Variants in IFT52 observed in about 807,000 individuals in gnomAD.
IFT52 encodes intraflagellar transport protein 52 homolog.
IFT52 carries 44 observed loss-of-function variants against 54.4 expected under a neutral mutation model. The observed-to-expected ratio is 0.81, with a 90% CI of 0.63 to 1.04. The LOEUF (loss-of-function observed/expected upper bound fraction) is 1.04. Among genes scored for constraint, IFT52 ranks in the 50% least tolerant of loss-of-function variants. The pLI is 0.00. For synonymous variants in IFT52, 181 were observed against 185.3 expected, an observed-to-expected ratio of 0.98 and a Z score of 0.19; for missense variants, 452 against 523.6, an observed-to-expected ratio of 0.86 and a Z score of 1.33.
chr20:43,618,322 T>C (rs1984014060), intron 7 of IFT52: 1 of 151,702 alleles, frequency 6.6e-6, no homozygotes, highest in South Asian at 2.1e-4. Context: ...GTGATTCTCC[T>C]GCCCCAGCTT....
At chr20:43,623,869 G>T (rs1984521739) in intron 9 of IFT52, 22 bp from the exon 10 acceptor site, 1 of 1,611,812 alleles carries the variant, frequency 6.2e-7, no homozygotes, top group African/African-American at 1.3e-5. Flanking sequence ...TGTGCTAAAA[G>T]GAACCCTCTT....
At chr20:43,597,448 A>C (rs1221245896) in intron 3 of IFT52, among the ~76,000 whole-genome samples, 1 of 152,200 alleles carries the variant, frequency 6.6e-6, no homozygotes, top group Non-Finnish European at 1.5e-5. Flanking sequence ...GAATGGATAA[A>C]GAATGATAAA....
intron 9 of IFT52, among the ~76,000 whole-genome samples, chr20:43,622,770 G>GTGTAAATATAAATATATACATATTTTA (rs1568768421): frequency 2.3e-5 from 3 of 127,820 alleles, no homozygotes; most frequent in African/African-American, 9.1e-5. Flanking sequence ...TATACAAATT[G>GTGTAAATATAAATATATACATATTTTA]TGTGTAAATA....
At chr20:43,611,116 G>T (rs181004305) in intron 6 of IFT52, among the ~76,000 whole-genome samples, 1 of 152,262 alleles carries the variant, frequency 6.6e-6, no homozygotes, top group Admixed American at 6.5e-5. Context: ...ACAGCTTCCT[G>T]GTAGACTTTG....
At chr20:43,594,233 G>A (rs1191665995) in intron 1 of IFT52, among the ~76,000 whole-genome samples, 1 of 152,040 alleles carries the variant, frequency 6.6e-6, no homozygotes, top group East Asian at 1.9e-4. Context: ...GCTTGAACCC[G>A]GGAGATGGAG....
At chr20:43,607,053 C>A (rs1601035008) in intron 6 of IFT52, among the ~76,000 whole-genome samples, 1 of 152,234 alleles carries the variant, frequency 6.6e-6, no homozygotes, top group African/African-American at 2.4e-5. Flanking sequence ...TTCTATTCCA[C>A]AAAACCGCCA....
chr20:43,598,774 G>GT lies in IFT52; in HGVS notation c.207+2258dup, dbSNP rs548473909. ...GGTAAATTTAGGAAAGATTAGGTGT[G>GT]TTTTTTCACAGTCAATAAAACAAAA... On this transcript the variant is annotated intron_variant, in intron 3 of 13. Transcript: ENST00000373030. Among the ~76,000 whole-genome samples the GT allele has an allele frequency of 5.9e-3, 894 of 152,254 alleles. 5 individuals are homozygous for GT. Among genetic ancestry groups the GT allele is most frequent in the South Asian group, 0.011 (55 of 4,824 alleles).
chr20:43,607,104 C>G (rs960971412), intron 6 of IFT52, among the ~76,000 whole-genome samples: 2 of 152,260 alleles, frequency 1.3e-5, no homozygotes, highest in African/African-American at 2.4e-5. Flanking sequence ...TTGGGTACAC[C>G]TCCCAGACTG....
At chr20:43,604,013 C>A in intron 4 of IFT52, 124 bp downstream of exon 4, 1 of 924,778 alleles carries the variant, frequency 1.1e-6, no homozygotes, top group Non-Finnish European at 1.7e-6. Context: ...TTTTAATGTT[C>A]CATTCTCATC....
intron 9 of IFT52, among the ~76,000 whole-genome samples, chr20:43,622,538 G>T (rs576488522): frequency 1.3e-5 from 2 of 151,562 alleles, no homozygotes; most frequent in Admixed American, 6.6e-5. Context: ...AGGAGGCAGA[G>T]CTTGCAGTGA....
chr20:43,636,037 C>A, intron 11 of IFT52, 24 bp downstream of exon 11: 1 of 1,606,214 alleles, frequency 6.2e-7, no homozygotes, highest in Non-Finnish European at 8.5e-7. Flanking sequence ...CTTGGGAGAT[C>A]CCACTGCAGA....
rs6017125 is a variant in IFT52 at position 43,617,343 on chromosome 20, A to G, written c.613-1597A>G. Reference sequence around the variant, plus strand: ...TTTTCATATTTATTTATCTGATAGGAAAAAGTACTTTGTTTTTATTTGTTA... The same window carrying G: ...TTTTCATATTTATTTATCTGATAGGGAAAAGTACTTTGTTTTTATTTGTTA... On this transcript the variant is annotated intron_variant, in intron 7 of 13. Coordinates refer to ENST00000373030, the MANE Select transcript of IFT52 (RefSeq NM_016004.5). 8.0e-3 allele frequency among the ~76,000 whole-genome samples: 1,214 copies of G among 152,322 alleles called. 15 individuals are homozygous for G. Among genetic ancestry groups the G allele is most frequent in the African/African-American group, 0.027 (1,141 of 41,568 alleles).
chr20:43,622,802 A>ATAAATATAAATATATACATATTTTTATG (rs1984437778), intron 9 of IFT52, among the ~76,000 whole-genome samples: 1 of 130,810 alleles, frequency 7.6e-6, no homozygotes, highest in Non-Finnish European at 1.6e-5. Flanking sequence ...ATATTTTTAT[A>ATAAATATAAATATATACATATTTTTATG]TGTAAATATA....
chr20:43,596,599 C>T (rs1361548953), intron 3 of IFT52, 77 bp downstream of exon 3: 4 of 929,422 alleles, frequency 4.3e-6, no homozygotes, highest in Middle Eastern at 2.1e-4. Context: ...ATTTGAATCC[C>T]CCTTCACCAC....
In IFT52 at chr20:43,620,872, T is replaced by G; in HGVS notation, c.715T>G (p.Trp239Gly). ...NSKIMDVVFQ[W>G]LTTGDIHLNQ... ...TTTAATTTAGGATGTTGTTTTCCAG[T>G]GGCTCACGACAGGAGACATCCACCT... Residue 239 changes from tryptophan to glycine, a missense_variant, in exon 9 of 14, where the codon TGG (tryptophan) becomes GGG (glycine). Coordinates refer to ENST00000373030, the MANE Select transcript of IFT52 (RefSeq NM_016004.5). 6.2e-7 allele frequency: 1 copy of G among 1,611,320 alleles called. No homozygotes were observed. Among genetic ancestry groups the G allele is most frequent in the Non-Finnish European group, 8.5e-7 (1 of 1,178,624 alleles).
At chr20:43,613,448 C>T (rs1983609394) in intron 6 of IFT52, among the ~76,000 whole-genome samples, 1 of 152,152 alleles carries the variant, frequency 6.6e-6, no homozygotes, top group Non-Finnish European at 1.5e-5. Flanking sequence ...AGTTAACAAA[C>T]CAAAGCTTAG....
At chr20:43,615,363 A>G (rs6130427) in intron 7 of IFT52, among the ~76,000 whole-genome samples, 110,107 of 151,986 alleles carry the variant, frequency 0.72, 40,269 homozygotes, top group East Asian at 0.8. Flanking sequence ...TTTAATTCAC[A>G]TTTTGCTGAA....
intron 12 of IFT52, among the ~76,000 whole-genome samples, chr20:43,637,995 G>T (rs1207757331): frequency 1.3e-5 from 2 of 152,156 alleles, no homozygotes; most frequent in Non-Finnish European, 2.9e-5. Flanking sequence ...ACCTTGACAT[G>T]TGGATGAAGA....
intron 12 of IFT52, among the ~76,000 whole-genome samples, chr20:43,641,652 C>T (rs1490869996): frequency 6.7e-6 from 1 of 148,858 alleles, no homozygotes; most frequent in African/African-American, 2.5e-5. Context: ...CACCACCATG[C>T]CCGGCTAATT....
Sources: allele counts gnomAD v4.1 joint callset (sites outside exome capture counted in the v4.1 genomes callset), GRCh38; gene constraint gnomAD v4.1.1; transcripts MANE v1.5; gene names NCBI Gene and HGNC (gene_info 2026-07-23, HGNC 2026-07-21).